Variants in ANKS1B observed in about 807,000 individuals in gnomAD.
ANKS1B encodes ankyrin repeat and sterile alpha motif domain containing 1B, also known as ankyrin repeat and sterile alpha motif domain-containing protein 1B.
In ANKS1B, 36 loss-of-function variants were observed where a neutral mutation model predicts 148.3. The observed-to-expected ratio is 0.24, with a 90% CI of 0.19 to 0.32. The LOEUF is 0.32. Ranked by LOEUF, ANKS1B falls within the 10% of genes least tolerant of loss-of-function variation. The pLI is 1.00. For missense variants in ANKS1B, 1,157 were observed against 1,542.6 expected (o/e 0.75, Z 4.19); for synonymous variants, 542 against 560.8 (o/e 0.97, Z 0.47).
chr12:99,271,002 A>G (rs2076977665), intron 12 of ANKS1B, among the ~76,000 whole-genome samples: 3 of 152,234 alleles, frequency 2.0e-5, no homozygotes, highest in Non-Finnish European at 1.5e-5. Context: ...GTGTCTTTAA[A>G]AGAGTTTTGA....
At chr12:98,964,751 A>T (rs2099876367) in intron 17 of ANKS1B, among the ~76,000 whole-genome samples, 1 of 152,218 alleles carries the variant, frequency 6.6e-6, no homozygotes, top group South Asian at 2.1e-4. Context: ...AAAGCTAAAA[A>T]TTAAAACAAT....
chr12:99,438,965 AT>A (rs1361393558), intron 11 of ANKS1B, among the ~76,000 whole-genome samples: 1 of 151,888 alleles, frequency 6.6e-6, no homozygotes, highest in Non-Finnish European at 1.5e-5. Context: ...TATGGAAGTT[AT>A]TTTTTAAAAA....
At chr12:99,649,721 G>C (rs1344111400) in intron 9 of ANKS1B, 1 of 249,054 alleles carries the variant, frequency 4.0e-6, no homozygotes, top group East Asian at 1.0e-4. Flanking sequence ...ATATCAGTAA[G>C]TGCTACTGGC....
chr12:99,715,611 T>G (rs566074700), intron 8 of ANKS1B, among the ~76,000 whole-genome samples: 1 of 152,284 alleles, frequency 6.6e-6, no homozygotes, highest in African/African-American at 2.4e-5. Context: ...GTGACTCGGA[T>G]CAGGGGACCC....
intron 8 of ANKS1B, among the ~76,000 whole-genome samples, chr12:99,755,594 CAAAAA>C (rs369571107): frequency 8.1e-6 from 1 of 123,258 alleles, no homozygotes; most frequent in Non-Finnish European, 1.7e-5. Flanking sequence ...CAAAAATCCT[CAAAAA>C]AAAAAAAAAA....
intron 17 of ANKS1B, among the ~76,000 whole-genome samples, chr12:98,914,432 T>C (rs897483233): frequency 2.0e-5 from 3 of 152,180 alleles, no homozygotes; most frequent in Admixed American, 6.6e-5. Flanking sequence ...TCATATGCCA[T>C]ATACAAGTCC....
intron 14 of ANKS1B, chr12:99,154,785 T>A: frequency 1.4e-6 from 2 of 1,450,024 alleles, no homozygotes; most frequent in Non-Finnish European, 1.8e-6. Context: ...CAGCCAGAAT[T>A]CTTTTTTATC....
At position 99,246,438 on chromosome 12, in the gene ANKS1B, T is replaced by A. The variant is rs1240418839; in HGVS notation, c.2183A>T (p.Asp728Val). Reference sequence around the variant, plus strand: ...AGAGACACTTTTTGACAAATGCATGTCGATCAAGGCTTTAGGCAATGACCT... The same window carrying A: ...AGAGACACTTTTTGACAAATGCATGACGATCAAGGCTTTAGGCAATGACCT... Reference protein sequence around the residue: ...RIRSLPKALIDMHLSKSVSKS... With the variant: ...RIRSLPKALIVMHLSKSVSKS... The change falls in exon 13 of 27, where the codon GAC becomes GTC. Residue 728 changes from aspartate (D) to valine (V), a missense_variant. Coordinates refer to ENST00000683438, the MANE Select transcript of ANKS1B (RefSeq NM_001352186.2). 7 of 1,613,802 alleles carry A rather than the reference T, an allele frequency of 4.3e-6. No homozygotes were observed. The African/African-American group carries it at 9.3e-5, about 22-fold the overall frequency.
chr12:99,841,256 G>A, intron 1 of ANKS1B, among the ~76,000 whole-genome samples: 1 of 151,674 alleles, frequency 6.6e-6, no homozygotes, highest in East Asian at 1.9e-4. Context: ...TGGCTCTTGT[G>A]GTTTGTTAAA....
chr12:99,124,703 A>G (rs779083757), intron 15 of ANKS1B, among the ~76,000 whole-genome samples: 4 of 152,146 alleles, frequency 2.6e-5, no homozygotes, highest in Non-Finnish European at 5.9e-5. Flanking sequence ...TTTGGGTAAT[A>G]CAATGTTAGA....
At chr12:99,361,100 T>C (rs1249941921) in intron 12 of ANKS1B, among the ~76,000 whole-genome samples, 1 of 152,044 alleles carries the variant, frequency 6.6e-6, no homozygotes, top group Non-Finnish European at 1.5e-5. Flanking sequence ...TAATTGTGCA[T>C]TTAAAAATAA....
chr12:99,772,998 G>C lies in ANKS1B; in HGVS notation c.1052C>G (p.Thr351Arg), dbSNP rs1226040139. The C allele has an allele frequency of 6.2e-7, 1 of 1,612,086 alleles. No individual in the cohort carries two copies. The stretch of plus-strand genomic sequence containing the variant: ...ATTATCTAAGTAGTGGTCTGATATT[G>C]TGTGGCACAAGTCTTCAAACGAATA... ...KDYSFEDLCH[T>R]ISDHYLDNLS... is the part of the protein sequence containing the mutation. Residue 351 changes from threonine to arginine, a missense_variant, in exon 8 of 27, where the codon ACA becomes AGA. Around this residue, in one of 6 missense-constraint regions of ANKS1B, gnomAD observed 661 missense variants for 642.1 expected, o/e 1.03. Transcript: ENST00000683438.
chr12:98,856,324 AC>A (rs2099571334), intron 17 of ANKS1B, among the ~76,000 whole-genome samples: 1 of 152,186 alleles, frequency 6.6e-6, no homozygotes, highest in Non-Finnish European at 1.5e-5. Flanking sequence ...CATTCTCGGT[AC>A]CAGTAATAGA....
At chr12:99,343,533 A>C (rs2090231974) in intron 12 of ANKS1B, among the ~76,000 whole-genome samples, 1 of 151,864 alleles carries the variant, frequency 6.6e-6, no homozygotes, top group Admixed American at 6.6e-5. Flanking sequence ...TTTTTCAGGG[A>C]CCTTACTTAA....
At chr12:99,388,027 T>C (rs966198328) in intron 12 of ANKS1B, among the ~76,000 whole-genome samples, 1 of 152,118 alleles carries the variant, frequency 6.6e-6, no homozygotes, top group Non-Finnish European at 1.5e-5. Flanking sequence ...AGGACTGTGT[T>C]GAGCATGCTA....
At chr12:99,160,272 T>C (rs138713198) in intron 14 of ANKS1B, among the ~76,000 whole-genome samples, 3,507 of 152,158 alleles carry the variant, frequency 0.023, 120 homozygotes, top group African/African-American at 0.074. Flanking sequence ...CAATTGCTTT[T>C]GAGGATTTAG....
chr12:99,592,902 G>C (rs1040930523), intron 9 of ANKS1B, among the ~76,000 whole-genome samples: 1 of 152,090 alleles, frequency 6.6e-6, no homozygotes, highest in Admixed American at 6.6e-5. Flanking sequence ...AGGGAAATGG[G>C]GGGTGTTCCA....
chr12:98,853,990 G>A (rs550253007), intron 17 of ANKS1B, among the ~76,000 whole-genome samples: 17 of 152,328 alleles, frequency 1.1e-4, no homozygotes, highest in South Asian at 8.3e-4. Context: ...GGATGGAGCC[G>A]TGGATTGGCT....
At chr12:99,147,277 T>G (rs754245096) in intron 15 of ANKS1B, among the ~76,000 whole-genome samples, 1 of 151,874 alleles carries the variant, frequency 6.6e-6, no homozygotes. Context: ...AGCTAAAGGA[T>G]AAAAAGGAGT....
Sources: gnomAD v4.1 joint callset for allele counts (sites outside exome capture counted in the v4.1 genomes callset) on GRCh38, gnomAD v4.1.1 for gene constraint, gnomAD v4.1.1 regional missense constraint, MANE v1.5 for transcripts, NCBI Gene and HGNC (gene_info 2026-07-23, HGNC 2026-07-21) for gene names.